Variants in COX7B2 observed in about 807,000 individuals in gnomAD.
The protein encoded by COX7B2 is cytochrome c oxidase subunit 7B2, mitochondrial.
For synonymous variants in COX7B2, 37 were observed against 32.1 expected, an observed-to-expected ratio of 1.15 and a Z score of -0.51; for missense variants, 109 against 95.9, an observed-to-expected ratio of 1.14 and a Z score of -0.57.
At chr4:46,809,494 A>T (rs1335096021) in intron 2 of COX7B2, among the ~76,000 whole-genome samples, 1 of 151,650 alleles carries the variant, frequency 6.6e-6, no homozygotes, top group Non-Finnish European at 1.5e-5. Flanking sequence ...GTCTCAAGAT[A>T]TTTTTTTAAA....
chr4:46,877,441 C>A (rs188879907), intron 1 of COX7B2, among the ~76,000 whole-genome samples: 43 of 152,262 alleles, frequency 2.8e-4, no homozygotes, highest in Non-Finnish European at 5.6e-4. Context: ...GACATTGTGA[C>A]CGCAAACTTT....
chr4:46,896,645 GA>G (rs58209441), intron 1 of COX7B2, among the ~76,000 whole-genome samples: 34 of 146,388 alleles, frequency 2.3e-4, no homozygotes, highest in African/African-American at 4.0e-4. Flanking sequence ...TAACAAAAAA[GA>G]AAAAAAAAAG....
intron 2 of COX7B2, among the ~76,000 whole-genome samples, chr4:46,832,038 T>G (rs941711934): frequency 6.6e-6 from 1 of 152,140 alleles, no homozygotes. Context: ...CTCTGTAAAA[T>G]GGACCAATCA....
At chr4:46,759,815 GTTATATAAGTCATATCTTATA>G (rs1716027588) in intron 2 of COX7B2, among the ~76,000 whole-genome samples, 1 of 74,034 alleles carries the variant, frequency 1.4e-5, no homozygotes, top group African/African-American at 4.4e-5. Context: ...TCTTATATAA[GTTATATAAGTCATATCTTATA>G]TAAGTTATAT....
At chr4:46,873,811 C>A (rs1259293425) in intron 1 of COX7B2, among the ~76,000 whole-genome samples, 1 of 152,172 alleles carries the variant, frequency 6.6e-6, no homozygotes, top group East Asian at 1.9e-4. Flanking sequence ...CTAATGCTAT[C>A]CCTCCCCCTT....
chr4:46,816,799 A>G (rs1272916143), intron 2 of COX7B2, among the ~76,000 whole-genome samples: 1 of 152,214 alleles, frequency 6.6e-6, no homozygotes, highest in Non-Finnish European at 1.5e-5. Context: ...TAGACTAGAA[A>G]TAAATCTGTG....
chr4:46,797,492 C>A (rs187512771), intron 2 of COX7B2, among the ~76,000 whole-genome samples: 1 of 152,160 alleles, frequency 6.6e-6, no homozygotes, highest in Admixed American at 6.6e-5. Flanking sequence ...AGCAGCAGGC[C>A]GAATTCCTTT....
intron 1 of COX7B2, among the ~76,000 whole-genome samples, chr4:46,845,399 A>T (rs1255708734): frequency 6.6e-6 from 1 of 151,914 alleles, no homozygotes; most frequent in Non-Finnish European, 1.5e-5. Flanking sequence ...CTTCTCAGCA[A>T]CTTCCTTCAT....
At chr4:46,833,734 A>G (rs1164411297) in intron 2 of COX7B2, among the ~76,000 whole-genome samples, 1 of 152,220 alleles carries the variant, frequency 6.6e-6, no homozygotes, top group African/African-American at 2.4e-5. Context: ...CATATGAAAA[A>G]GGATGACAGA....
intron 2 of COX7B2, among the ~76,000 whole-genome samples, chr4:46,776,010 T>C (rs1208800006): frequency 6.6e-6 from 1 of 152,172 alleles, no homozygotes; most frequent in African/African-American, 2.4e-5. Context: ...AGAATATTTA[T>C]CTAAAGATAT....
At chr4:46,864,999 T>C (rs1308413847) in intron 1 of COX7B2, among the ~76,000 whole-genome samples, 2 of 152,158 alleles carry the variant, frequency 1.3e-5, no homozygotes, top group Admixed American at 6.6e-5. Flanking sequence ...ACATGTGTTT[T>C]TTGTTACATG....
chr4:46,743,768 TC>T (rs999259129), intron 2 of COX7B2, among the ~76,000 whole-genome samples: 1 of 152,100 alleles, frequency 6.6e-6, no homozygotes, highest in African/African-American at 2.4e-5. Context: ...ATGCTTTTTT[TC>T]CCCCTGAAGC....
intron 2 of COX7B2, among the ~76,000 whole-genome samples, chr4:46,835,397 A>T (rs1167462353): frequency 1.3e-5 from 2 of 152,040 alleles, no homozygotes; most frequent in Admixed American, 6.6e-5. Context: ...CAGAAAAAAA[A>T]AATGCAGTAA....
At chr4:46,797,972 C>G (rs1302151718) in intron 2 of COX7B2, among the ~76,000 whole-genome samples, 1 of 152,184 alleles carries the variant, frequency 6.6e-6, no homozygotes, top group Admixed American at 6.5e-5. Flanking sequence ...ATTATATAAA[C>G]TGGCCAGCCC....
chr4:46,770,321 A>G (rs1280861082), intron 2 of COX7B2, among the ~76,000 whole-genome samples: 1 of 152,148 alleles, frequency 6.6e-6, no homozygotes, highest in Non-Finnish European at 1.5e-5. Flanking sequence ...GTAAACTATG[A>G]AATATTGATA....
At chr4:46,882,695 G>A (rs1377446809) in intron 1 of COX7B2, among the ~76,000 whole-genome samples, 4 of 152,102 alleles carry the variant, frequency 2.6e-5, no homozygotes. Flanking sequence ...TATTATACAT[G>A]AGATGGGTCT....
Position 46,903,606 on chromosome 4 carries a change from G to T in COX7B2, c.-105+5554C>A, listed in dbSNP as rs1447377528. Among the ~76,000 whole-genome samples, 3 of 152,086 alleles carry T rather than the reference G, an allele frequency of 2.0e-5. No individual in the cohort carries two copies. In the East Asian group the frequency reaches 5.8e-4, roughly 29 times the overall value. On this transcript the variant is annotated intron_variant, in intron 1 of 2. Coordinates refer to ENST00000355591, the MANE Select transcript of COX7B2 (RefSeq NM_130902.3). ...AGAACAACTTTTAGTCCTGTAGGCTGCTCATTCATGCTAAGTGCCCAAAAC... is the reference window on the plus strand; with the variant it reads ...AGAACAACTTTTAGTCCTGTAGGCTTCTCATTCATGCTAAGTGCCCAAAAC...
intron 1 of COX7B2, among the ~76,000 whole-genome samples, chr4:46,870,976 G>GAA (rs944770954): frequency 2.1e-5 from 3 of 139,994 alleles, no homozygotes; most frequent in Non-Finnish European, 4.7e-5. Context: ...CACAGAACTA[G>GAA]AAAAAAAAAA....
At chr4:46,741,410 G>C (rs1577646554) in intron 2 of COX7B2, among the ~76,000 whole-genome samples, 1 of 152,088 alleles carries the variant, frequency 6.6e-6, no homozygotes, top group Middle Eastern at 3.4e-3. Flanking sequence ...CCCCAGTTTT[G>C]ACACCATAAA....
Sources: gnomAD v4.1 joint callset for allele counts (sites outside exome capture counted in the v4.1 genomes callset) on GRCh38, gnomAD v4.1.1 for gene constraint, MANE v1.5 for transcripts, NCBI Gene and HGNC (gene_info 2026-07-23, HGNC 2026-07-21) for gene names.